The following IGF1 variants were observed in gnomAD, a reference collection of about 807,000 sequenced individuals.
IGF1 encodes insulin like growth factor 1.
In IGF1, 4 loss-of-function variants were observed where a neutral mutation model predicts 13.8. That is an observed-to-expected ratio of 0.29 (90% CI 0.14 to 0.66). The LOEUF (loss-of-function observed/expected upper bound fraction) is 0.66, where lower values mean the gene tolerates loss of function less well. Ranked by LOEUF, IGF1 falls within the 30% of genes least tolerant of loss-of-function variation. The probability of loss-of-function intolerance (pLI) is 0.78; values close to 1 mark genes in which losing one functional copy is unlikely to be tolerated. For synonymous variants in IGF1, 76 were observed against 72.6 expected (o/e 1.05, Z -0.23); for missense variants, 124 against 188.5 (o/e 0.66, Z 2.00).
chr12:102,415,153 A>G lies in IGF1; in HGVS notation c.402+4356T>C, dbSNP rs1369218053. ...CTTGCCTCACTGTCTTGTGTAGGAG[A>G]ATAGGAATCATTTCATCTCAGAAGT... On this transcript the variant is annotated intron_variant, in intron 3 of 3. Coordinates refer to ENST00000337514, the MANE Select transcript of IGF1 (RefSeq NM_000618.5). Among the ~76,000 whole-genome samples, 4 of 152,142 alleles carry G rather than the reference A, an allele frequency of 2.6e-5. No individual in the cohort carries two copies. The East Asian group carries it at 5.8e-4, about 22-fold the overall frequency.
rs552288319 is a variant in IGF1 at position 102,473,146 on chromosome 12, C to A, written c.220+2497G>T. 1.2e-4 allele frequency among the ~76,000 whole-genome samples: 18 copies of A among 152,290 alleles called. No individual in the cohort carries two copies. In the South Asian group the frequency reaches 3.7e-3, roughly 32 times the overall value. The stretch of plus-strand genomic sequence containing the variant: ...GGATTCAAATGTAAATAAATATGTC[C>A]TTTGGCATCAAGAAGCCCATTGACA... On this transcript the variant is annotated intron_variant, in intron 2 of 3. Transcript: ENST00000337514.
chr12:102,456,100 A>G (rs955004420), intron 2 of IGF1, among the ~76,000 whole-genome samples: 2 of 152,176 alleles, frequency 1.3e-5, no homozygotes, highest in African/African-American at 4.8e-5. Flanking sequence ...TCCCTCACAG[A>G]AAGCAGAATT....
intron 3 of IGF1, among the ~76,000 whole-genome samples, chr12:102,412,883 A>G (rs752221110): frequency 4.6e-5 from 7 of 152,178 alleles, no homozygotes; most frequent in Non-Finnish European, 1.0e-4. Context: ...CTGGATGAAA[A>G]TGGGATGGCA....
chr12:102,470,857 A>G (rs17878620), intron 2 of IGF1, among the ~76,000 whole-genome samples: 169 of 152,352 alleles, frequency 1.1e-3, no homozygotes, highest in African/African-American at 3.9e-3. Flanking sequence ...AGAAACCTGT[A>G]GATTCTTATT....
At chr12:102,421,558 T>C (rs755386600) in intron 2 of IGF1, among the ~76,000 whole-genome samples, 14 of 152,172 alleles carry the variant, frequency 9.2e-5, no homozygotes, top group Non-Finnish European at 1.5e-4. Flanking sequence ...TATTTTGTGA[T>C]CATTGTATCT....
intron 1 of IGF1, among the ~76,000 whole-genome samples, chr12:102,479,978 A>AG (rs1478630944): frequency 6.6e-6 from 1 of 151,548 alleles, no homozygotes; most frequent in Non-Finnish European, 1.5e-5. Flanking sequence ...CTGCAAAAGA[A>AG]AAAAAAAATC....
chr12:102,451,142 C>T (rs1422254346), intron 2 of IGF1, among the ~76,000 whole-genome samples: 3 of 152,224 alleles, frequency 2.0e-5, no homozygotes, highest in Non-Finnish European at 4.4e-5. Flanking sequence ...TGGTTCTGCA[C>T]ACCTAGTGTA....
chr12:102,405,022 G>A (rs1874020061), intron 3 of IGF1, among the ~76,000 whole-genome samples: 2 of 152,010 alleles, frequency 1.3e-5, no homozygotes, highest in African/African-American at 4.8e-5. Context: ...CTCCCAAAGT[G>A]CTGGTATTAC....
intron 1 of IGF1, 151 bp from the exon 2 acceptor site, chr12:102,475,950 AGAGGGAGTTGTG>A: frequency 1.2e-6 from 1 of 823,588 alleles, no homozygotes; most frequent in Non-Finnish European, 2.0e-6. Context: ...ATGAGAACCC[AGAGGGAGTTGTG>A]GATGGAGCGT....
At chr12:102,430,138 C>A (rs1227499705) in intron 2 of IGF1, among the ~76,000 whole-genome samples, 1 of 152,246 alleles carries the variant, frequency 6.6e-6, no homozygotes, top group African/African-American at 2.4e-5. Flanking sequence ...ATCACTTATG[C>A]CAATACTTAG....
chr12:102,440,559 A>G (rs1210764990), intron 2 of IGF1, among the ~76,000 whole-genome samples: 1 of 152,142 alleles, frequency 6.6e-6, no homozygotes, highest in African/African-American at 2.4e-5. Context: ...CTTATTCTAC[A>G]CTGTCTCCTT....
At chr12:102,468,277 A>C (rs909476996) in intron 2 of IGF1, among the ~76,000 whole-genome samples, 12 of 152,220 alleles carry the variant, frequency 7.9e-5, no homozygotes, top group East Asian at 1.9e-4. Context: ...TGTGCTGCTG[A>C]TGATCAAATA....
chr12:102,472,884 C>A (rs186892671), intron 2 of IGF1, among the ~76,000 whole-genome samples: 1,553 of 150,586 alleles, frequency 0.01, 17 homozygotes, highest in Middle Eastern at 0.041. Context: ...TTTTTCAGTT[C>A]AAAAAAAAAT....
chr12:102,401,584 T>C lies in IGF1; in HGVS notation c.*923A>G, dbSNP rs1248148834. 1 of 152,638 alleles carries C rather than the reference T, an allele frequency of 6.6e-6. No homozygotes were observed. The highest frequency in any genetic ancestry group is 1.9e-4 in the East Asian group (1 of 5,196). The allele number at this position is 152,638 out of a possible 1,614,324, so 9.5% of individuals were successfully genotyped here. ...ACCGTTTTGGCCAGACTCTTTCATATAACAAACTACAAAATAGCACCATTA... is the reference window on the plus strand; with the variant it reads ...ACCGTTTTGGCCAGACTCTTTCATACAACAAACTACAAAATAGCACCATTA... On this transcript the variant is annotated 3_prime_UTR_variant, in exon 4 of 4. Coordinates refer to ENST00000337514, the MANE Select transcript of IGF1 (RefSeq NM_000618.5).
intron 2 of IGF1, among the ~76,000 whole-genome samples, chr12:102,440,377 G>A (rs1477830163): frequency 8.5e-5 from 13 of 152,132 alleles, no homozygotes; most frequent in Non-Finnish European, 2.9e-5. Flanking sequence ...GGAGATAGCC[G>A]ATTTCTCCAA....
chr12:102,403,753 T>C (rs1873889927), intron 3 of IGF1, among the ~76,000 whole-genome samples: 1 of 149,576 alleles, frequency 6.7e-6, no homozygotes, highest in African/African-American at 2.5e-5. Flanking sequence ...ATTCCAGGCA[T>C]GAGCCACTGC....
chr12:102,436,581 T>C (rs1256642372), intron 2 of IGF1, among the ~76,000 whole-genome samples: 2 of 152,136 alleles, frequency 1.3e-5, no homozygotes, highest in African/African-American at 4.8e-5. Context: ...TCAAAATATC[T>C]TTTCATGGAT....
intron 1 of IGF1, among the ~76,000 whole-genome samples, chr12:102,477,414 G>A (rs1881121240): frequency 1.3e-5 from 2 of 152,046 alleles, no homozygotes; most frequent in Non-Finnish European, 2.9e-5. Flanking sequence ...AGAAGAGGAG[G>A]TAAAAGCTCA....
intron 2 of IGF1, among the ~76,000 whole-genome samples, chr12:102,470,737 C>G (rs1302629658): frequency 2.6e-5 from 4 of 152,188 alleles, no homozygotes; most frequent in African/African-American, 9.7e-5. Flanking sequence ...TCCAGCCCCA[C>G]TCAAAACAAT....
Sources: gnomAD v4.1 joint callset for allele counts (sites outside exome capture counted in the v4.1 genomes callset) on GRCh38, gnomAD v4.1.1 for gene constraint, MANE v1.5 for transcripts, NCBI Gene and HGNC (gene_info 2026-07-23, HGNC 2026-07-21) for gene names.